The following ATG10 variants were observed in gnomAD, a reference collection of about 807,000 sequenced individuals.
The protein encoded by ATG10 is ubiquitin-like-conjugating enzyme ATG10.
A neutral mutation model predicts 32.1 loss-of-function variants in ATG10; 30 were observed. The observed-to-expected ratio is 0.94, with a 90% CI of 0.70 to 1.27. The LOEUF (loss-of-function observed/expected upper bound fraction) is 1.27. ATG10 is among the 50% of genes most tolerant of loss of function. The probability of loss-of-function intolerance (pLI) is 0.00; values close to 1 mark genes in which losing one functional copy is unlikely to be tolerated. For synonymous variants in ATG10, 87 were observed against 91.5 expected, an observed-to-expected ratio of 0.95 and a Z score of 0.28; for missense variants, 233 against 262.3, an observed-to-expected ratio of 0.89 and a Z score of 0.77.
intron 3 of ATG10, among the ~76,000 whole-genome samples, chr5:82,072,078 A>T (rs1474905840): frequency 6.6e-6 from 1 of 152,166 alleles, no homozygotes; most frequent in Non-Finnish European, 1.5e-5. Flanking sequence ...CACTAATTTC[A>T]AGTATGCTGG....
At chr5:82,074,807 T>C (rs747888012) in intron 3 of ATG10, among the ~76,000 whole-genome samples, 2 of 152,238 alleles carry the variant, frequency 1.3e-5, no homozygotes, top group Non-Finnish European at 2.9e-5. Flanking sequence ...TAACACTTTA[T>C]GTTAAGTTTG....
chr5:82,167,186 A>G (rs896630365), intron 4 of ATG10, among the ~76,000 whole-genome samples: 2 of 152,164 alleles, frequency 1.3e-5, no homozygotes, highest in Non-Finnish European at 2.9e-5. Flanking sequence ...CTCCCATGTC[A>G]TGTCATGTCA....
At chr5:82,188,068 G>A (rs1424132646) in intron 5 of ATG10, among the ~76,000 whole-genome samples, 1 of 152,146 alleles carries the variant, frequency 6.6e-6, no homozygotes, top group Non-Finnish European at 1.5e-5. Flanking sequence ...AATAAAATGG[G>A]AGTTGATTTA....
At chr5:82,031,119 AGTG>A (rs1458032131) in intron 2 of ATG10, among the ~76,000 whole-genome samples, 1 of 152,126 alleles carries the variant, frequency 6.6e-6, no homozygotes, top group African/African-American at 2.4e-5. Flanking sequence ...ATGCTATAGA[AGTG>A]GTGAGTTTGA....
chr5:82,053,783 C>G (rs1763502330), intron 2 of ATG10, among the ~76,000 whole-genome samples: 1 of 152,092 alleles, frequency 6.6e-6, no homozygotes, highest in Non-Finnish European at 1.5e-5. Flanking sequence ...GACCTAATAG[C>G]TGAAGTGTAG....
chr5:82,252,389 C>A (rs1747289595), intron 5 of ATG10, among the ~76,000 whole-genome samples, 173 bp from the exon 6 acceptor site: 1 of 152,192 alleles, frequency 6.6e-6, no homozygotes, highest in Admixed American at 6.5e-5. Context: ...TCACCAACTT[C>A]TTCTGATGTT....
chr5:82,138,515 T>A (rs1321873146), intron 3 of ATG10, among the ~76,000 whole-genome samples: 1 of 152,076 alleles, frequency 6.6e-6, no homozygotes, highest in African/African-American at 2.4e-5. Flanking sequence ...CCGGGTCAGG[T>A]GATGCCTTAC....
intron 2 of ATG10, among the ~76,000 whole-genome samples, chr5:82,002,288 G>C (rs1053458336): frequency 1.3e-5 from 2 of 152,094 alleles, no homozygotes; most frequent in Admixed American, 6.5e-5. Context: ...CCAATATCAG[G>C]ATTCCAAATA....
chr5:82,016,621 A>G (rs1338890791), intron 2 of ATG10, among the ~76,000 whole-genome samples: 2 of 151,302 alleles, frequency 1.3e-5, no homozygotes, highest in Non-Finnish European at 2.9e-5. Context: ...GTAAAGAATG[A>G]TGGTGGTATT....
chr5:82,073,869 G>C (rs1230399683), intron 3 of ATG10, among the ~76,000 whole-genome samples: 1 of 152,166 alleles, frequency 6.6e-6, no homozygotes, highest in African/African-American at 2.4e-5. Flanking sequence ...ACTTTTATTA[G>C]AGTAACCTTA....
At chr5:82,138,345 G>A (rs1342894625) in intron 3 of ATG10, among the ~76,000 whole-genome samples, 1 of 152,204 alleles carries the variant, frequency 6.6e-6, no homozygotes, top group Non-Finnish European at 1.5e-5. Context: ...CAAACCCAGG[G>A]CCCTGGTGTC....
intron 2 of ATG10, among the ~76,000 whole-genome samples, chr5:81,994,042 C>T (rs1761586827): frequency 6.6e-6 from 1 of 152,190 alleles, no homozygotes; most frequent in African/African-American, 2.4e-5. Context: ...GCTGCCTCTA[C>T]ACTAATTCAG....
intron 5 of ATG10, among the ~76,000 whole-genome samples, chr5:82,214,539 T>C (rs7719132): frequency 0.015 from 2,349 of 152,324 alleles, 41 homozygotes; most frequent in African/African-American, 0.053. Flanking sequence ...TTTTTTAATA[T>C]ATGAAAATTT....
At chr5:82,200,602 T>C (rs903935809) in intron 5 of ATG10, among the ~76,000 whole-genome samples, 4 of 149,078 alleles carry the variant, frequency 2.7e-5, no homozygotes, top group African/African-American at 9.8e-5. Flanking sequence ...CTCAGCCTCC[T>C]GAGTGGCTGG....
rs552582267 is a variant in ATG10 at position 82,168,490 on chromosome 5, AT to A, written c.355+3956del. Among the ~76,000 whole-genome samples the A allele has an allele frequency of 3.9e-5, 6 of 152,252 alleles. No individual in the cohort carries two copies. The South Asian group carries it at 1.0e-3, about 26-fold the overall frequency. On this transcript the variant is annotated intron_variant, in intron 4 of 7. Coordinates refer to ENST00000282185, the MANE Select transcript of ATG10 (RefSeq NM_031482.5). ...TTCTTCTTGGGAGCTGTTTTGACAT[AT>A]TTCTTTAATTAGTCAGCAGGGCTGC...
intron 3 of ATG10, among the ~76,000 whole-genome samples, chr5:82,065,303 A>G (rs1287324960): frequency 1.3e-5 from 2 of 152,046 alleles, no homozygotes; most frequent in African/African-American, 4.8e-5. Flanking sequence ...CCTGGCCAAC[A>G]TGGTGAAACA....
chr5:82,037,234 C>CTT (rs1166784267), intron 2 of ATG10, among the ~76,000 whole-genome samples: 995 of 36,932 alleles, frequency 0.027, 427 homozygotes, highest in Non-Finnish European at 0.035. Flanking sequence ...ATCTCATTTA[C>CTT]TTTTTTTTTT....
intron 2 of ATG10, among the ~76,000 whole-genome samples, chr5:82,036,202 A>G (rs1446971129): frequency 2.0e-5 from 3 of 152,176 alleles, no homozygotes; most frequent in Non-Finnish European, 4.4e-5. Flanking sequence ...TCCCCAATTT[A>G]TCATATATTA....
chr5:82,158,770 G>A (rs1190070061), intron 3 of ATG10, among the ~76,000 whole-genome samples: 1 of 152,084 alleles, frequency 6.6e-6, no homozygotes, highest in African/African-American at 2.4e-5. Flanking sequence ...TTACGATTAT[G>A]ATGTTCAGAA....
Sources: allele counts gnomAD v4.1 joint callset (sites outside exome capture counted in the v4.1 genomes callset), GRCh38; gene constraint gnomAD v4.1.1; transcripts MANE v1.5; gene names NCBI Gene and HGNC (gene_info 2026-07-23, HGNC 2026-07-21).